KMT2C: variants seen among roughly 807,000 people sequenced by gnomAD.
KMT2C encodes lysine methyltransferase 2C.
KMT2C carries 88 observed loss-of-function variants against 507.9 expected under a neutral mutation model. That is an observed-to-expected ratio of 0.17 (90% CI 0.15 to 0.21). The LOEUF is 0.21. KMT2C is among the 10% of genes least tolerant of loss of function. KMT2C has a pLI of 1.00. For synonymous variants in KMT2C, 2,049 were observed against 2,080.8 expected, an observed-to-expected ratio of 0.98 and a Z score of 0.42; for missense variants, 4,954 against 5,957.8, an observed-to-expected ratio of 0.83 and a Z score of 5.55.
chr7:152,203,302 GTATT>G (rs950856632), intron 25 of KMT2C, among the ~76,000 whole-genome samples: 7 of 151,580 alleles, frequency 4.6e-5, no homozygotes, highest in East Asian at 1.9e-4. Flanking sequence ...AAGCAAAAAC[GTATT>G]TATTTAAACA....
At chr7:152,303,426 C>T (rs1435064625) in intron 6 of KMT2C, among the ~76,000 whole-genome samples, 1 of 152,156 alleles carries the variant, frequency 6.6e-6, no homozygotes, top group Admixed American at 6.5e-5. Context: ...TAGGACCTAC[C>T]TCCTCATTCA....
intron 44 of KMT2C, 37 bp downstream of exon 44, chr7:152,158,826 C>T (rs747164772): frequency 3.1e-6 from 5 of 1,600,300 alleles, no homozygotes; most frequent in East Asian, 2.2e-5. Context: ...ATATCCTTGA[C>T]TTTTAAAAGA....
chr7:152,222,502 T>C (rs939704051), intron 21 of KMT2C, 71 bp downstream of exon 21: 7 of 694,738 alleles, frequency 1.0e-5, no homozygotes, highest in East Asian at 2.8e-5. Context: ...AGCTAATTCA[T>C]TGGTTATGGA....
rs775386485 is a variant in KMT2C, at chr7:152,358,658, T to C, written c.179A>G (p.Lys60Arg). Residue 60 changes from lysine to arginine, a missense_variant, in exon 2 of 59, where the codon AAA becomes AGA. By Grantham distance (26) the Lys-to-Arg change is conservative. This residue lies in a region of KMT2C where 233 missense variants were observed against 263.6 expected (regional missense o/e 0.88). Coordinates refer to ENST00000262189, the MANE Select transcript of KMT2C (RefSeq NM_170606.3). The stretch of plus-strand genomic sequence containing the variant: ...GCTGTCCTCATCTTCCACTGCAGTT[T>C]TCCCCCTACTTCGAGGTCTACAGAA... ...RARKKPRSRGKTAVEDEDSMD... is the reference protein window; with the variant it reads ...RARKKPRSRGRTAVEDEDSMD... 20 of 1,606,624 alleles carry C rather than the reference T, an allele frequency of 1.2e-5. No individual in the cohort carries two copies. Among genetic ancestry groups the C allele is most frequent in the Admixed American group, 8.4e-5 (5 of 59,720 alleles).
At chr7:152,239,296 C>T in intron 14 of KMT2C, among the ~76,000 whole-genome samples, 1 of 152,028 alleles carries the variant, frequency 6.6e-6, no homozygotes, top group Non-Finnish European at 1.5e-5. Context: ...AACCAGTAGG[C>T]CAAAGAATGC....
Position 152,177,310 on chromosome 7 carries a change from C to T in KMT2C, c.8143G>A (p.Glu2715Lys), listed in dbSNP as rs2129114590. 6.2e-7 allele frequency: 1 copy of T among 1,614,098 alleles called. No homozygotes were observed. Among genetic ancestry groups the T allele is most frequent in the Non-Finnish European group, 8.5e-7 (1 of 1,180,014 alleles). ...EGVEVKDLDDEDLENLNLDTE... is the reference protein window; with the variant it reads ...EGVEVKDLDDKDLENLNLDTE... ...TCTAAATTTAAGTTTTCAAGATCTT[C>T]ATCATCTAAGTCTTTGACTTCAACC... is the stretch of plus-strand genomic sequence containing the variant. The change falls in exon 38 of 59, where the codon GAA (glutamate) becomes AAA (lysine). Residue 2715 changes from glutamate (E) to lysine (K), a missense_variant. Glu to Lys is a moderately conservative substitution (Grantham distance 56). This residue lies in a region of KMT2C where 1,689 missense variants were observed against 1,654.3 expected (regional missense o/e 1.02). Coordinates refer to ENST00000262189, the MANE Select transcript of KMT2C (RefSeq NM_170606.3).
chr7:152,363,667 A>G (rs2097214224), intron 1 of KMT2C, among the ~76,000 whole-genome samples: 1 of 152,174 alleles, frequency 6.6e-6, no homozygotes, highest in Non-Finnish European at 1.5e-5. Context: ...CCAAAATGAG[A>G]GCTGAAATGA....
chr7:152,350,054 C>T (rs781264570), intron 2 of KMT2C, among the ~76,000 whole-genome samples: 1 of 152,106 alleles, frequency 6.6e-6, no homozygotes, highest in African/African-American at 2.4e-5. Context: ...GAGTTCAAGA[C>T]CAGCCTGACC....
At chr7:152,234,515 C>G (rs2095222734) in intron 16 of KMT2C, among the ~76,000 whole-genome samples, 1 of 152,126 alleles carries the variant, frequency 6.6e-6, no homozygotes, top group Non-Finnish European at 1.5e-5. Context: ...ACAACTTTTC[C>G]AGAAAACTGA....
At chr7:152,419,363 T>C (rs1175038250) in intron 1 of KMT2C, among the ~76,000 whole-genome samples, 1 of 149,988 alleles carries the variant, frequency 6.7e-6, no homozygotes, top group African/African-American at 2.4e-5. Context: ...AAAAAAAAAG[T>C]GGGGGAAAGA....
chr7:152,172,759 C>A (rs2093024176), intron 39 of KMT2C, among the ~76,000 whole-genome samples: 1 of 152,116 alleles, frequency 6.6e-6, no homozygotes, highest in African/African-American at 2.4e-5. Context: ...TACATAGAAA[C>A]TACAATATTA....
chr7:152,233,290 G>C (rs2095177964), intron 16 of KMT2C, among the ~76,000 whole-genome samples: 2 of 152,128 alleles, frequency 1.3e-5, no homozygotes, highest in Non-Finnish European at 2.9e-5. Flanking sequence ...GGTAATCTTT[G>C]AGAAAATACG....
Position 152,325,044 on chromosome 7 carries a change from T to TA in KMT2C, c.389+5556dup, listed in dbSNP as rs1416817393. 3.4e-4 allele frequency among the ~76,000 whole-genome samples: 52 copies of TA among 152,084 alleles called. 1 individual carries two copies. The highest frequency in any genetic ancestry group is 2.6e-4 in the Admixed American group (4 of 15,286). On this transcript the variant is annotated intron_variant, in intron 3 of 58. Transcript: ENST00000262189. Reference sequence around the variant, plus strand: ...ATACATATGAACATAAGTTCTTTGTTAGTTATATGCTTTAGAAATATTTTT... The same window carrying TA: ...ATACATATGAACATAAGTTCTTTGTTAAGTTATATGCTTTAGAAATATTTTT...
chr7:152,182,665 A>C, intron 35 of KMT2C, 71 bp from the exon 36 acceptor site: 1 of 1,333,652 alleles, frequency 7.5e-7, no homozygotes, highest in Non-Finnish European at 1.0e-6. Flanking sequence ...GGGGGGAAAA[A>C]GCAACAGAAA....
chr7:152,424,597 AT>A (rs1028698964), intron 1 of KMT2C, among the ~76,000 whole-genome samples: 1 of 151,960 alleles, frequency 6.6e-6, no homozygotes, highest in Admixed American at 6.6e-5. Context: ...TAATTTCTGT[AT>A]TTTTTTGTAG....
At chr7:152,213,053 A>G (rs1339513598) in intron 23 of KMT2C, among the ~76,000 whole-genome samples, 1 of 152,216 alleles carries the variant, frequency 6.6e-6, no homozygotes, top group African/African-American at 2.4e-5. Flanking sequence ...GTCTCAAAAA[A>G]CAGAAAAAAA....
chr7:152,329,569 CAAAAAATAAAA>C (rs2096860845), intron 3 of KMT2C, among the ~76,000 whole-genome samples: 1 of 126,820 alleles, frequency 7.9e-6, no homozygotes, highest in African/African-American at 2.9e-5. Context: ...GACCTTGCCT[CAAAAAATAAAA>C]AAAAAAAGAA....
At chr7:152,309,546 G>GTC (rs376437011) in intron 6 of KMT2C, among the ~76,000 whole-genome samples, 30 of 124,182 alleles carry the variant, frequency 2.4e-4, no homozygotes, top group African/African-American at 9.3e-4. Flanking sequence ...ATTAAACGGA[G>GTC]TCTCTCTCTG....
intron 3 of KMT2C, among the ~76,000 whole-genome samples, chr7:152,323,810 G>A (rs1280918883): frequency 7.3e-6 from 1 of 136,624 alleles, no homozygotes; most frequent in Admixed American, 7.3e-5. Context: ...GCAGGGAGGG[G>A]AGGGGAAGGG....
Sources: allele counts gnomAD v4.1 joint callset (sites outside exome capture counted in the v4.1 genomes callset), GRCh38; gene constraint gnomAD v4.1.1; regional missense constraint gnomAD v4.1.1; transcripts MANE v1.5; gene names NCBI Gene and HGNC (gene_info 2026-07-23, HGNC 2026-07-21).